The following SGCZ variants were observed in gnomAD, a reference collection of about 807,000 sequenced individuals.
SGCZ encodes the protein sarcoglycan zeta, also known as zeta-sarcoglycan.
A neutral mutation model predicts 41.3 loss-of-function variants in SGCZ; 40 were observed. The observed-to-expected ratio is 0.97, with a 90% CI of 0.75 to 1.26. SGCZ has a LOEUF of 1.26. SGCZ is among the 50% of genes most tolerant of loss of function. The probability of loss-of-function intolerance (pLI) is 0.00; values close to 1 mark genes in which losing one functional copy is unlikely to be tolerated. For synonymous variants in SGCZ, 206 were observed against 137.5 expected (o/e 1.50, Z -3.49); for missense variants, 552 against 369.8 (o/e 1.49, Z -4.04).
chr8:15,084,417 C>G (rs879056061), intron 1 of SGCZ, among the ~76,000 whole-genome samples: 1 of 152,054 alleles, frequency 6.6e-6, no homozygotes, highest in Non-Finnish European at 1.5e-5. Flanking sequence ...ATAAGTTATT[C>G]AAAGTAATAA....
At chr8:14,710,238 C>G (rs942991090) in intron 1 of SGCZ, among the ~76,000 whole-genome samples, 2 of 151,804 alleles carry the variant, frequency 1.3e-5, no homozygotes, top group African/African-American at 2.4e-5. Context: ...GGCGTGGTGG[C>G]AGGCGCCTGT....
At chr8:15,141,674 C>T (rs185682653) in intron 1 of SGCZ, among the ~76,000 whole-genome samples, 5 of 152,210 alleles carry the variant, frequency 3.3e-5, no homozygotes, top group East Asian at 1.9e-4. Flanking sequence ...GAGGCCAAGG[C>T]GGGAGGATCA....
At chr8:14,368,123 G>A (rs1398274299) in intron 2 of SGCZ, among the ~76,000 whole-genome samples, 1 of 151,990 alleles carries the variant, frequency 6.6e-6, no homozygotes, top group Non-Finnish European at 1.5e-5. Flanking sequence ...TGTACACTGG[G>A]TTTTGGACAT....
intron 3 of SGCZ, among the ~76,000 whole-genome samples, chr8:14,245,551 T>C (rs1799056173): frequency 6.6e-6 from 1 of 152,114 alleles, no homozygotes; most frequent in South Asian, 2.1e-4. Context: ...ACTTCATGTC[T>C]AAAACACCAA....
chr8:15,130,085 G>A (rs931971356), intron 1 of SGCZ, among the ~76,000 whole-genome samples: 2 of 152,054 alleles, frequency 1.3e-5, no homozygotes, highest in Non-Finnish European at 2.9e-5. Context: ...GTCGATTTTG[G>A]TGTTATCTGT....
chr8:14,571,139 G>A (rs1485658476), intron 1 of SGCZ, among the ~76,000 whole-genome samples: 1 of 152,064 alleles, frequency 6.6e-6, no homozygotes, highest in East Asian at 1.9e-4. Flanking sequence ...GGAAGGTGAA[G>A]GAGAAGCAAG....
chr8:14,297,281 T>C (rs983437798), intron 3 of SGCZ, among the ~76,000 whole-genome samples: 2 of 151,846 alleles, frequency 1.3e-5, no homozygotes, highest in East Asian at 1.9e-4. Flanking sequence ...AAGCTAAAAA[T>C]TGAGAGAAAT....
intron 2 of SGCZ, among the ~76,000 whole-genome samples, chr8:14,424,177 A>C (rs181433401): frequency 2.0e-5 from 3 of 152,318 alleles, no homozygotes; most frequent in Admixed American, 2.0e-4. Context: ...GAGAAAAATA[A>C]GCTGTGAAGT....
In SGCZ at chr8:14,247,360, A is replaced by G. The variant is rs1229845753; in HGVS notation, c.337-9681T>C. 2.0e-5 allele frequency among the ~76,000 whole-genome samples: 3 copies of G among 152,260 alleles called. No homozygotes were observed. In the East Asian group the frequency reaches 5.8e-4, roughly 30 times the overall value. On this transcript the variant is annotated intron_variant, in intron 3 of 7. Coordinates refer to ENST00000382080, the MANE Select transcript of SGCZ (RefSeq NM_139167.4). ...TCTCCCAACCGATAATACGGATGGT[A>G]TTGATGAATATGTATCCAGAATGAT...
intron 5 of SGCZ, among the ~76,000 whole-genome samples, chr8:14,130,898 A>G (rs1295781380): frequency 1.3e-5 from 2 of 152,206 alleles, no homozygotes; most frequent in Non-Finnish European, 2.9e-5. Flanking sequence ...ATCCAGTTGC[A>G]TAAAAAATAT....
intron 2 of SGCZ, among the ~76,000 whole-genome samples, chr8:14,551,471 T>TA (rs1329212502): frequency 0.17 from 1,711 of 9,856 alleles, 238 homozygotes; most frequent in South Asian, 0.41. Flanking sequence ...ATATTATATA[T>TA]ATTATATATT....
chr8:14,368,362 T>G (rs955319487), intron 2 of SGCZ, among the ~76,000 whole-genome samples: 1 of 151,928 alleles, frequency 6.6e-6, no homozygotes, highest in African/African-American at 2.4e-5. Flanking sequence ...GAGAAAAAAA[T>G]GCAGCCAGAT....
chr8:14,601,952 C>A (rs920614874), intron 1 of SGCZ, among the ~76,000 whole-genome samples: 2 of 151,992 alleles, frequency 1.3e-5, no homozygotes, highest in Non-Finnish European at 2.9e-5. Context: ...AACCCCGTCT[C>A]TACTGAAAAC....
intron 1 of SGCZ, among the ~76,000 whole-genome samples, chr8:14,860,448 G>GAGAGAAGGAAAGAGA (rs1204985987): frequency 6.7e-6 from 1 of 149,126 alleles, no homozygotes; most frequent in African/African-American, 2.5e-5. Context: ...GGAAAGAGAA[G>GAGAGAAGGAAAGAGA]AGAGAAGGAA....
At chr8:15,235,198 G>A (rs1802082352) in intron 1 of SGCZ, among the ~76,000 whole-genome samples, 1 of 152,132 alleles carries the variant, frequency 6.6e-6, no homozygotes, top group South Asian at 2.1e-4. Flanking sequence ...CTAAAAACAA[G>A]AAATCTAGAC....
In SGCZ at chr8:14,652,691, A is replaced by G. The variant is rs371876731; in HGVS notation, c.40-97765T>C. 3.3e-4 allele frequency among the ~76,000 whole-genome samples: 50 copies of G among 152,244 alleles called. No individual in the cohort carries two copies. In the East Asian group the frequency reaches 8.7e-3, roughly 26 times the overall value. ...CAAATTAGTTAGGTATAATATTAACACTAAAATTGAATAGGAAAGGAAAGT... is the reference window on the plus strand; with the variant it reads ...CAAATTAGTTAGGTATAATATTAACGCTAAAATTGAATAGGAAAGGAAAGT... On this transcript the variant is annotated intron_variant, in intron 1 of 7. Coordinates refer to ENST00000382080, the MANE Select transcript of SGCZ (RefSeq NM_139167.4).
intron 1 of SGCZ, among the ~76,000 whole-genome samples, chr8:15,149,786 A>T (rs1799128720): frequency 6.6e-6 from 1 of 151,518 alleles, no homozygotes; most frequent in Non-Finnish European, 1.5e-5. Flanking sequence ...ATGCATATTC[A>T]CTGACCCAGC....
At chr8:14,950,864 T>C (rs1443734449) in intron 1 of SGCZ, among the ~76,000 whole-genome samples, 1 of 152,072 alleles carries the variant, frequency 6.6e-6, no homozygotes, top group South Asian at 2.1e-4. Flanking sequence ...GTAGGTTAAA[T>C]AGTTCATAAC....
At chr8:14,171,372 G>A (rs1348766812) in intron 4 of SGCZ, among the ~76,000 whole-genome samples, 1 of 151,880 alleles carries the variant, frequency 6.6e-6, no homozygotes. Flanking sequence ...AAGAGTTGGT[G>A]CAAAGTTTTC....
Sources: gnomAD v4.1 joint callset for allele counts (sites outside exome capture counted in the v4.1 genomes callset) on GRCh38, gnomAD v4.1.1 for gene constraint, MANE v1.5 for transcripts, NCBI Gene and HGNC (gene_info 2026-07-23, HGNC 2026-07-21) for gene names.